Variants in CTNNA3 observed in about 807,000 individuals in gnomAD.
The protein encoded by CTNNA3 is catenin alpha-3.
CTNNA3 carries 76 observed loss-of-function variants against 95.7 expected under a neutral mutation model. The observed-to-expected ratio is 0.79, with a 90% CI of 0.66 to 0.96. CTNNA3 has a LOEUF of 0.96. Among genes scored for constraint, CTNNA3 ranks in the 40% least tolerant of loss-of-function variants. CTNNA3 has a pLI of 0.00. For missense variants in CTNNA3, 1,191 were observed against 1,089.8 expected, an observed-to-expected ratio of 1.09 and a Z score of -1.31; for synonymous variants, 431 against 374.4, an observed-to-expected ratio of 1.15 and a Z score of -1.74.
At chr10:66,955,059 T>G (rs1848717783) in intron 7 of CTNNA3, among the ~76,000 whole-genome samples, 1 of 152,198 alleles carries the variant, frequency 6.6e-6, no homozygotes, top group Admixed American at 6.5e-5. Flanking sequence ...TCCAAATTTC[T>G]TATCATATAA....
chr10:65,963,198 T>C (rs2077889029), intron 17 of CTNNA3, among the ~76,000 whole-genome samples: 1 of 152,196 alleles, frequency 6.6e-6, no homozygotes, highest in Non-Finnish European at 1.5e-5. Flanking sequence ...AATTAAATTA[T>C]AAATGATCCT....
chr10:66,326,821 C>G (rs1191058357), intron 12 of CTNNA3, among the ~76,000 whole-genome samples: 2 of 151,908 alleles, frequency 1.3e-5, no homozygotes, highest in Non-Finnish European at 2.9e-5. Context: ...TTAAAAAATC[C>G]TTTCATATTT....
At chr10:67,292,697 C>G (rs1034293477) in intron 5 of CTNNA3, among the ~76,000 whole-genome samples, 3 of 151,980 alleles carry the variant, frequency 2.0e-5, no homozygotes, top group African/African-American at 7.3e-5. Context: ...TTTAGTTTTA[C>G]TTAATAATCA....
chr10:66,178,406 TATATATATATATATATATATATATA>T (rs2085841076), intron 13 of CTNNA3, among the ~76,000 whole-genome samples: 1 of 21,970 alleles, frequency 4.6e-5, no homozygotes, highest in East Asian at 1.8e-3. Flanking sequence ...AGTGTATATA[TATATATATATATATATATATATATA>T]TATATATATA....
At chr10:67,000,414 G>A (rs966603886) in intron 7 of CTNNA3, among the ~76,000 whole-genome samples, 2 of 152,084 alleles carry the variant, frequency 1.3e-5, no homozygotes, top group African/African-American at 2.4e-5. Context: ...AAATGAAACC[G>A]ATCTACTTAT....
At chr10:67,082,128 G>A (rs1857087818) in intron 7 of CTNNA3, among the ~76,000 whole-genome samples, 9 of 151,870 alleles carry the variant, frequency 5.9e-5, no homozygotes. Flanking sequence ...GCTATAGAGA[G>A]GATTTTTTAA....
At chr10:67,701,322 G>A (rs956303119) in intron 1 of CTNNA3, among the ~76,000 whole-genome samples, 1 of 151,954 alleles carries the variant, frequency 6.6e-6, no homozygotes, top group Non-Finnish European at 1.5e-5. Context: ...ACACATAATT[G>A]TCAGATTCAC....
At chr10:66,487,328 A>G (rs947854040) in intron 11 of CTNNA3, among the ~76,000 whole-genome samples, 13 of 150,894 alleles carry the variant, frequency 8.6e-5, no homozygotes, top group East Asian at 7.9e-4. Context: ...CAGCCTCCCA[A>G]GTAGCTGGGA....
intron 15 of CTNNA3, among the ~76,000 whole-genome samples, chr10:66,035,792 T>C (rs1197026283): frequency 1.3e-5 from 2 of 152,074 alleles, no homozygotes; most frequent in Non-Finnish European, 2.9e-5. Context: ...CTAGAAAGAA[T>C]TTTGTGTAAA....
intron 9 of CTNNA3, among the ~76,000 whole-genome samples, chr10:66,690,892 T>C (rs946801307): frequency 2.0e-5 from 3 of 152,158 alleles, no homozygotes; most frequent in Non-Finnish European, 4.4e-5. Flanking sequence ...CCTGAGGAAT[T>C]GCCACACTGA....
At chr10:67,348,399 A>G (rs2620935) in intron 5 of CTNNA3, among the ~76,000 whole-genome samples, 132,492 of 152,186 alleles carry the variant, frequency 0.87, 59,316 homozygotes, top group East Asian at 1. Flanking sequence ...AACCATATGT[A>G]TTAGTCCATT....
chr10:67,745,092 T>C (rs1233273722), intron 1 of CTNNA3, among the ~76,000 whole-genome samples: 12 of 151,926 alleles, frequency 7.9e-5, no homozygotes, highest in Non-Finnish European at 1.5e-5. Flanking sequence ...ATTGTGGAAG[T>C]CAGTGTGGCG....
chr10:67,590,184 CTT>C (rs1249946455), intron 3 of CTNNA3, among the ~76,000 whole-genome samples: 1 of 152,090 alleles, frequency 6.6e-6, no homozygotes, highest in African/African-American at 2.4e-5. Context: ...CATTACATCA[CTT>C]TTGCAAAACT....
chr10:66,940,505 G>A (rs773990853), intron 7 of CTNNA3, among the ~76,000 whole-genome samples: 43 of 152,150 alleles, frequency 2.8e-4, no homozygotes, highest in Non-Finnish European at 4.9e-4. Flanking sequence ...TGCATAGAGT[G>A]TCTCATGATG....
intron 15 of CTNNA3, among the ~76,000 whole-genome samples, chr10:66,049,331 A>T (rs2079900835): frequency 6.6e-6 from 1 of 152,174 alleles, no homozygotes; most frequent in African/African-American, 2.4e-5. Flanking sequence ...ACTTATACAC[A>T]GTTAGTGGGA....
At chr10:67,059,544 G>A (rs1855638545) in intron 7 of CTNNA3, among the ~76,000 whole-genome samples, 1 of 152,132 alleles carries the variant, frequency 6.6e-6, no homozygotes, top group Admixed American at 6.5e-5. Flanking sequence ...TGTCGTCAAA[G>A]TATATTTGGT....
intron 5 of CTNNA3, among the ~76,000 whole-genome samples, chr10:67,394,198 C>T (rs1317079438): frequency 6.6e-6 from 1 of 151,504 alleles, no homozygotes; most frequent in Non-Finnish European, 1.5e-5. Flanking sequence ...TCCCTCATTC[C>T]CTAATCATGT....
intron 5 of CTNNA3, among the ~76,000 whole-genome samples, chr10:67,267,536 T>G (rs1052206432): frequency 6.6e-6 from 1 of 152,082 alleles, no homozygotes; most frequent in Non-Finnish European, 1.5e-5. Flanking sequence ...GGCTAATTTT[T>G]TTGTATTTTT....
chr10:66,761,679 G>A (rs191387655), intron 9 of CTNNA3, among the ~76,000 whole-genome samples: 25 of 152,234 alleles, frequency 1.6e-4, no homozygotes, highest in Admixed American at 1.4e-3. Context: ...TTTATTGAAT[G>A]TAATGGCATT....
Sources: gnomAD v4.1 joint callset for allele counts (sites outside exome capture counted in the v4.1 genomes callset) on GRCh38, gnomAD v4.1.1 for gene constraint, MANE v1.5 for transcripts, NCBI Gene and HGNC (gene_info 2026-07-23, HGNC 2026-07-21) for gene names.